The following ZC3H3 variants were observed in gnomAD, a reference collection of about 807,000 sequenced individuals.
The protein encoded by ZC3H3 is zinc finger CCCH domain-containing protein 3.
In ZC3H3, 36 loss-of-function variants were observed where a neutral mutation model predicts 77.3. That is an observed-to-expected ratio of 0.47 (90% confidence interval 0.36 to 0.61). ZC3H3 has a LOEUF of 0.61. Ranked by LOEUF, ZC3H3 falls within the 20% of genes least tolerant of loss-of-function variation. The pLI is 0.00. For synonymous variants in ZC3H3, 626 were observed against 555.2 expected (o/e 1.13, Z -1.79); for missense variants, 1,331 against 1,312.2 (o/e 1.01, Z -0.22).
intron 4 of ZC3H3, among the ~76,000 whole-genome samples, chr8:143,486,307 C>T (rs1340703222): frequency 5.3e-5 from 8 of 152,238 alleles, no homozygotes; most frequent in Admixed American, 2.6e-4. Context: ...CTGCAGTGGG[C>T]GGCTACGACA....
chr8:143,522,124 G>A (rs1376772251), intron 3 of ZC3H3, among the ~76,000 whole-genome samples: 1 of 152,200 alleles, frequency 6.6e-6, no homozygotes, highest in East Asian at 1.9e-4. Context: ...CTTCCCTAGG[G>A]ATCCAAGTTC....
intron 1 of ZC3H3, among the ~76,000 whole-genome samples, chr8:143,539,683 C>A (rs1271670595): frequency 6.6e-6 from 1 of 152,198 alleles, no homozygotes; most frequent in Non-Finnish European, 1.5e-5. Flanking sequence ...CCCCTCTGCA[C>A]TGTTTGAATC....
At chr8:143,512,082 C>T (rs1381310733) in intron 3 of ZC3H3, among the ~76,000 whole-genome samples, 1 of 152,244 alleles carries the variant, frequency 6.6e-6, no homozygotes, top group African/African-American at 2.4e-5. Flanking sequence ...CAGCAGCGAG[C>T]GGCCAGGATG....
chr8:143,470,651 C>T (rs976480035), intron 5 of ZC3H3, among the ~76,000 whole-genome samples: 5 of 152,246 alleles, frequency 3.3e-5, no homozygotes, highest in African/African-American at 7.2e-5. Context: ...ACTGGCATCA[C>T]GTGCCCGCCT....
At chr8:143,510,820 G>A (rs1488205409) in intron 3 of ZC3H3, among the ~76,000 whole-genome samples, 3 of 152,146 alleles carry the variant, frequency 2.0e-5, no homozygotes, top group East Asian at 1.9e-4. Context: ...CAGACTCCCA[G>A]GGCTGTAATT....
chr8:143,523,350 G>T, intron 3 of ZC3H3: 2 of 985,454 alleles, frequency 2.0e-6, no homozygotes, highest in Non-Finnish European at 2.4e-6. Flanking sequence ...CCAGATGGGG[G>T]TCCCACAAGA....
intron 4 of ZC3H3, among the ~76,000 whole-genome samples, chr8:143,479,975 C>T (rs1393930007): frequency 1.3e-5 from 2 of 152,216 alleles, no homozygotes; most frequent in African/African-American, 4.8e-5. Context: ...CGAGGGGCAC[C>T]ACAGGTGCCC....
At chr8:143,463,955 C>A (rs1263447785) in intron 9 of ZC3H3, among the ~76,000 whole-genome samples, 1 of 152,256 alleles carries the variant, frequency 6.6e-6, no homozygotes, top group Non-Finnish European at 1.5e-5. Context: ...CTTTAACAAG[C>A]CATCGCTTTA....
intron 3 of ZC3H3, among the ~76,000 whole-genome samples, chr8:143,511,768 C>G (rs963798920): frequency 6.6e-6 from 1 of 152,248 alleles, no homozygotes; most frequent in African/African-American, 2.4e-5. Flanking sequence ...CCAGAAATAG[C>G]AGGCACGAGA....
At chr8:143,438,212 G>T (rs1819635043) in intron 11 of ZC3H3, 125 bp from the exon 12 acceptor site, 8 of 1,233,834 alleles carry the variant, frequency 6.5e-6, no homozygotes, top group Non-Finnish European at 9.3e-6. Flanking sequence ...AGCAAGGTCT[G>T]CAGAGATACC....
intron 3 of ZC3H3, among the ~76,000 whole-genome samples, chr8:143,512,243 C>T (rs997082469): frequency 5.3e-5 from 8 of 152,246 alleles, no homozygotes; most frequent in African/African-American, 1.4e-4. Context: ...GAGGGCATTC[C>T]GGCCAGTCAG....
intron 4 of ZC3H3, 74 bp from the exon 5 acceptor site, chr8:143,475,659 C>T (rs368206928): frequency 2.0e-6 from 3 of 1,464,244 alleles, no homozygotes; most frequent in Middle Eastern, 2.4e-4. Context: ...TGCCAGGGGC[C>T]GAGCCCAGGC....
rs199991012 is a variant in ZC3H3 at position 143,538,633 on chromosome 8, C to T, written c.734G>A (p.Arg245Gln). Residue 245 changes from arginine (R) to glutamine (Q), a missense_variant, in exon 2 of 12, where the codon CGG becomes CAG. Physicochemically the swap from Arg to Gln is conservative, Grantham distance 43. Transcript: ENST00000262577. ...GGCCACGGAATGAGAACCCAGCTTC[C>T]GGCCCAGGGCCACGCCAGTGCGTGG... ...LPPRTGVALG[R>Q]KLGSHSVASC... is the part of the protein sequence containing the mutation. 1.8e-4 allele frequency: 293 copies of T among 1,609,016 alleles called. No homozygotes were observed. In the African/African-American group the frequency reaches 3.5e-3, roughly 19 times the overall value.
At chr8:143,537,057 G>A (rs1248733950) in intron 2 of ZC3H3, among the ~76,000 whole-genome samples, 3 of 152,220 alleles carry the variant, frequency 2.0e-5, no homozygotes, top group South Asian at 2.1e-4. Flanking sequence ...TAGACCAGAC[G>A]GCAGGGCACC....
rs939917632 is a variant in ZC3H3 at position 143,530,956 on chromosome 8, C to T, written c.1561+5301G>A. On this transcript the variant is annotated intron_variant, in intron 3 of 11. Transcript: ENST00000262577. This position sits in a 1 kb window ranked among gnomAD's most constrained non-coding sequence, Gnocchi z 4.3. The stretch of plus-strand genomic sequence containing the variant: ...CCCTTCTGGGGCTGTCTTCTATCTC[C>T]TTTTTTTTTTTTTTTTTTTTTGAGA... 1.5e-5 allele frequency among the ~76,000 whole-genome samples: 2 copies of T among 133,524 alleles called. No homozygotes were observed. Among genetic ancestry groups the T allele is most frequent in the Non-Finnish European group, 3.2e-5 (2 of 62,634 alleles). 87.6% of individuals were successfully genotyped at this position (133,524 alleles called of 152,430 possible). A position where few individuals can be genotyped will look rare whatever the true frequency, so the allele number is the denominator to read the frequency against.
At chr8:143,508,043 A>C in intron 3 of ZC3H3, 144 bp from the exon 4 acceptor site, 1 of 997,944 alleles carries the variant, frequency 1.0e-6, no homozygotes, top group Non-Finnish European at 1.4e-6. Context: ...AAAACCCTCA[A>C]CCCATGTGGC....
rs897137198 is a variant in ZC3H3 at position 143,538,492 on chromosome 8, G to T, written c.875C>A (p.Ala292Asp). The T allele has an allele frequency of 3.1e-6, 5 of 1,612,870 alleles. No individual in the cohort carries two copies. Among genetic ancestry groups the T allele is most frequent in the East Asian group, 4.5e-5 (2 of 44,888 alleles). ...GGTCACAACCAGCGAGGCCTCCCGG[G>T]CCTGCCTGGGTCCTGAGGCCGGTCT... Reference protein sequence around the residue: ...PARPASGPRQAREASLVVTCR... With the variant: ...PARPASGPRQDREASLVVTCR... The change falls in exon 2 of 12, where the codon GCC becomes GAC. Residue 292 changes from alanine (A) to aspartate (D), a missense_variant. Around this residue, in one of 3 missense-constraint regions of ZC3H3, gnomAD observed 978 missense variants for 915.5 expected, o/e 1.07. Transcript: ENST00000262577.
intron 9 of ZC3H3, among the ~76,000 whole-genome samples, chr8:143,446,852 C>T (rs556665719): frequency 2.0e-5 from 3 of 152,368 alleles, no homozygotes; most frequent in Non-Finnish European, 2.9e-5. Context: ...GGCCCGCAAC[C>T]GGAGAACTGT....
At position 143,504,898 on chromosome 8, in the gene ZC3H3, C is replaced by T. The variant is rs57168303; in HGVS notation, c.1715+2848G>A. On this transcript the variant is annotated intron_variant, in intron 4 of 11. Transcript: ENST00000262577. ...CTGGCAGCTTCACAGAGAGCAGGCC[C>T]GGCTCCATGCTCGGAACTCGCGGGT... Among the ~76,000 whole-genome samples, 1,326 of 152,346 alleles carry T rather than the reference C, an allele frequency of 8.7e-3. 20 individuals are homozygous for T. The highest frequency in any genetic ancestry group is 0.03 in the African/African-American group (1,256 of 41,574).
Sources: gnomAD v4.1 joint callset for allele counts (sites outside exome capture counted in the v4.1 genomes callset) on GRCh38, gnomAD v4.1.1 for gene constraint, gnomAD v4.1.1 regional missense constraint, Gnocchi (gnomAD v3.1) non-coding constraint, MANE v1.5 for transcripts, NCBI Gene and HGNC (gene_info 2026-07-23, HGNC 2026-07-21) for gene names.